The following AFF4 variants were observed in gnomAD, a reference collection of about 807,000 sequenced individuals.
AFF4 encodes AF4/FMR2 family member 4.
Under a neutral mutation model 124.8 loss-of-function variants are expected in AFF4, and 13 were observed. The observed-to-expected ratio is 0.10, with a 90% confidence interval of 0.07 to 0.17. AFF4 has a LOEUF of 0.17. AFF4 is among the 10% of genes least tolerant of loss of function. AFF4 has a pLI of 1.00. For synonymous variants in AFF4, 477 were observed against 496.1 expected, an observed-to-expected ratio of 0.96 and a Z score of 0.51; for missense variants, 1,092 against 1,403.8, an observed-to-expected ratio of 0.78 and a Z score of 3.55.
rs533459635 is a variant in AFF4, at chr5:132,946,847, C to T, written c.-4-9654G>A. On this transcript the variant is annotated intron_variant, in intron 1 of 20. Transcript: ENST00000265343. ...AAAATAAAAATTTAAATGTGTATTC[C>T]TAGGAATTAAATGCATTCTATAATT... Among the ~76,000 whole-genome samples the T allele has an allele frequency of 2.6e-5, 4 of 151,534 alleles. No homozygotes were observed. The South Asian group carries it at 6.3e-4, about 24-fold the overall frequency.
chr5:132,884,609 G>A (rs1019647627), intron 19 of AFF4, among the ~76,000 whole-genome samples: 2 of 152,172 alleles, frequency 1.3e-5, no homozygotes, highest in Admixed American at 6.6e-5. Flanking sequence ...GACAAAGAAT[G>A]TCAATTCTTA....
chr5:132,907,568 T>C (rs1760699014), intron 5 of AFF4, among the ~76,000 whole-genome samples: 1 of 152,002 alleles, frequency 6.6e-6, no homozygotes, highest in African/African-American at 2.4e-5. Flanking sequence ...CATAATTATA[T>C]TGAGTTTGTA....
chr5:132,958,644 T>C (rs1278121376), intron 1 of AFF4, among the ~76,000 whole-genome samples: 1 of 152,048 alleles, frequency 6.6e-6, no homozygotes, highest in Non-Finnish European at 1.5e-5. Flanking sequence ...GAAGAAATAA[T>C]ATTCCAATTG....
chr5:132,963,376 C>G lies in AFF4; in HGVS notation c.-122G>C, dbSNP rs912846357. On this transcript the variant is annotated 5_prime_UTR_variant, in exon 1 of 21. Coordinates refer to ENST00000265343, the MANE Select transcript of AFF4 (RefSeq NM_014423.4). ...CGCCCAGGGGGCGGTGACAGGCTGCCAAGGGCGAGGGGCTCCGGGAGGCGG... is the reference window on the plus strand; with the variant it reads ...CGCCCAGGGGGCGGTGACAGGCTGCGAAGGGCGAGGGGCTCCGGGAGGCGG... 7.5e-6 allele frequency: 3 copies of G among 397,538 alleles called. No homozygotes were observed. Among genetic ancestry groups the G allele is most frequent in the Non-Finnish European group, 1.3e-5 (3 of 225,342 alleles). The allele number at this position is 397,538 out of a possible 1,614,324, so 24.6% of individuals were successfully genotyped here.
chr5:132,896,556 T>C lies in AFF4; in HGVS notation c.2074A>G (p.Met692Val), dbSNP rs1258633668. 1.9e-6 allele frequency: 3 copies of C among 1,613,996 alleles called. No homozygotes were observed. The African/African-American group carries it at 4.0e-5, about 22-fold the overall frequency. The change falls in exon 11 of 21, where the codon ATG becomes GTG. Residue 692 changes from methionine (M) to valine (V), a missense_variant. By Grantham distance (21) the Met-to-Val change is conservative. Coordinates refer to ENST00000265343, the MANE Select transcript of AFF4 (RefSeq NM_014423.4). ...TCCTTCTCTTCCATAGGAGAGAACA[T>C]TCGTTGCCGAAAAAAGCTATCTTCT... The part of the protein sequence containing the change: ...EEEDSFFRQR[M>V]FSPMEEKELL...
At chr5:132,905,303 C>T (rs1287576256) in intron 5 of AFF4, among the ~76,000 whole-genome samples, 1 of 152,116 alleles carries the variant, frequency 6.6e-6, no homozygotes, top group Non-Finnish European at 1.5e-5. Flanking sequence ...ATTTTCATGA[C>T]CAGAACAGCT....
intron 12 of AFF4, among the ~76,000 whole-genome samples, 161 bp downstream of exon 12, chr5:132,892,869 C>G (rs769082489): frequency 5.9e-5 from 9 of 152,060 alleles, no homozygotes; most frequent in Non-Finnish European, 1.3e-4. Context: ...TCCCTATTAG[C>G]TAAAAGTGAA....
intron 2 of AFF4, among the ~76,000 whole-genome samples, chr5:132,936,820 A>AT (rs1304743014): frequency 6.6e-6 from 1 of 152,210 alleles, no homozygotes; most frequent in Admixed American, 6.5e-5. Flanking sequence ...TCTGAGTTGT[A>AT]TGAAGCTGTT....
chr5:132,885,553 T>G (rs1188422206), intron 18 of AFF4, among the ~76,000 whole-genome samples: 1 of 152,008 alleles, frequency 6.6e-6, no homozygotes, highest in African/African-American at 2.4e-5. Flanking sequence ...ATGTGCCCCA[T>G]GCAGTTTGCC....
rs761557820 is a variant in AFF4, at chr5:132,883,437, G to A, written c.3267C>T (p.Ile1089=). The A allele has an allele frequency of 1.7e-5, 27 of 1,613,946 alleles. No individual in the cohort carries two copies. Among genetic ancestry groups the A allele is most frequent in the Admixed American group, 8.3e-5 (5 of 59,998 alleles). Residue 1089 remains isoleucine, a synonymous_variant, in exon 20 of 21, where the codon ATC becomes ATT. Transcript: ENST00000265343. The part of the protein sequence containing the change: ...SGSSVTIPQK[I]HQMAASYVQV... ...GAACATAGCTGGCTGCCATCTGGTGGATCTTCTGTGGAATGGTCACTGAAG... is the reference window on the plus strand; with the variant it reads ...GAACATAGCTGGCTGCCATCTGGTGAATCTTCTGTGGAATGGTCACTGAAG...
chr5:132,922,583 C>T (rs961545946), intron 5 of AFF4, among the ~76,000 whole-genome samples: 1 of 151,272 alleles, frequency 6.6e-6, no homozygotes, highest in Non-Finnish European at 1.5e-5. Context: ...AGATCAAGAC[C>T]ATCCTGGCCA....
chr5:132,898,168 A>C, intron 10 of AFF4, 62 bp downstream of exon 10: 1 of 1,572,186 alleles, frequency 6.4e-7, no homozygotes, highest in Non-Finnish European at 8.6e-7. Context: ...TCAGGTTTTA[A>C]ATGGACATCA....
At chr5:132,939,680 G>C (rs997753586) in intron 1 of AFF4, among the ~76,000 whole-genome samples, 3 of 152,168 alleles carry the variant, frequency 2.0e-5, no homozygotes, top group Admixed American at 6.5e-5. Flanking sequence ...GCACGATCTC[G>C]GCTCACTGCA....
At chr5:132,897,996 G>A (rs1263338574) in intron 10 of AFF4, among the ~76,000 whole-genome samples, 1 of 152,088 alleles carries the variant, frequency 6.6e-6, no homozygotes, top group Non-Finnish European at 1.5e-5. Context: ...CCAAACTAAA[G>A]GTACACAGTA....
chr5:132,879,325 A>G lies in AFF4; in HGVS notation c.*1734T>C, dbSNP rs1759914572. ...TTCTATCCCTTCTTTCCCCTTTCCTATTTCAAGCCTTAGCAATCATCTACA... is the reference window on the plus strand; with the variant it reads ...TTCTATCCCTTCTTTCCCCTTTCCTGTTTCAAGCCTTAGCAATCATCTACA... On this transcript the variant is annotated 3_prime_UTR_variant, in exon 21 of 21. Coordinates refer to ENST00000265343, the MANE Select transcript of AFF4 (RefSeq NM_014423.4). The G allele has an allele frequency of 4.7e-6, 1 of 214,290 alleles. No homozygotes were observed. 13.3% of individuals were successfully genotyped at this position (214,290 alleles called of 1,614,324 possible).
chr5:132,954,856 C>T (rs1761919229), intron 1 of AFF4, among the ~76,000 whole-genome samples: 1 of 152,194 alleles, frequency 6.6e-6, no homozygotes, highest in Admixed American at 6.5e-5. Flanking sequence ...CTAGACAATG[C>T]TCTTTTATCA....
intron 5 of AFF4, among the ~76,000 whole-genome samples, chr5:132,912,593 T>G (rs1760817586): frequency 6.6e-6 from 1 of 152,146 alleles, no homozygotes; most frequent in African/African-American, 2.4e-5. Context: ...ACTCCTGGAC[T>G]CAAGTGATCC....
intron 1 of AFF4, among the ~76,000 whole-genome samples, chr5:132,953,168 A>G (rs1191413817): frequency 2.0e-5 from 3 of 152,132 alleles, no homozygotes; most frequent in Non-Finnish European, 4.4e-5. Context: ...TCTACTAAAA[A>G]AAAAAAAAAA....
chr5:132,926,872 T>C (rs1166401451), intron 5 of AFF4: 2 of 376,096 alleles, frequency 5.3e-6, no homozygotes, highest in Admixed American at 9.4e-5. Context: ...ATTAATGTCT[T>C]TTAAATCTCT....
Sources: allele counts gnomAD v4.1 joint callset (sites outside exome capture counted in the v4.1 genomes callset), GRCh38; gene constraint gnomAD v4.1.1; transcripts MANE v1.5; gene names NCBI Gene and HGNC (gene_info 2026-07-23, HGNC 2026-07-21).